The following TSPAN18 variants were observed in gnomAD, a reference collection of about 807,000 sequenced individuals.
The protein encoded by TSPAN18 is tetraspanin 18, also known as tetraspanin-18.
Under a neutral mutation model 27.3 loss-of-function variants are expected in TSPAN18, and 14 were observed. The observed-to-expected ratio is 0.51, with a 90% CI of 0.34 to 0.80. The LOEUF (loss-of-function observed/expected upper bound fraction) is 0.80, where lower values mean the gene tolerates loss of function less well. Among genes scored for constraint, TSPAN18 ranks in the 30% least tolerant of loss-of-function variants. The pLI is 0.01. For missense variants in TSPAN18, 268 were observed against 323.9 expected, an observed-to-expected ratio of 0.83 and a Z score of 1.32; for synonymous variants, 143 against 136.5, an observed-to-expected ratio of 1.05 and a Z score of -0.33.
At chr11:44,922,148 G>A (rs546073228) in intron 8 of TSPAN18, among the ~76,000 whole-genome samples, 2 of 137,176 alleles carry the variant, frequency 1.5e-5, no homozygotes, top group Non-Finnish European at 3.0e-5. Context: ...ACTGAGTCTC[G>A]CTCTGTCGCT....
intron 3 of TSPAN18, among the ~76,000 whole-genome samples, chr11:44,866,888 A>C (rs1858052542): frequency 6.6e-6 from 1 of 151,796 alleles, no homozygotes; most frequent in Non-Finnish European, 1.5e-5. Flanking sequence ...CGGAAAGAAG[A>C]GAGAAGAATG....
intron 2 of TSPAN18, among the ~76,000 whole-genome samples, chr11:44,853,906 G>A (rs1857665296): frequency 6.6e-6 from 1 of 152,148 alleles, no homozygotes; most frequent in Admixed American, 6.5e-5. Flanking sequence ...AGAGGGCAGG[G>A]GAGGGAGGAA....
At chr11:44,769,089 G>A (rs1052250393) in intron 2 of TSPAN18, among the ~76,000 whole-genome samples, 1 of 151,930 alleles carries the variant, frequency 6.6e-6, no homozygotes, top group Non-Finnish European at 1.5e-5. Flanking sequence ...TAGAGATGAG[G>A]TTTCATCATT....
chr11:44,836,077 C>T (rs1055167613), intron 2 of TSPAN18, among the ~76,000 whole-genome samples: 1 of 152,168 alleles, frequency 6.6e-6, no homozygotes, highest in Non-Finnish European at 1.5e-5. Flanking sequence ...CTACAAGGGC[C>T]TCTAAGTGCT....
At chr11:44,786,431 C>A (rs774512390) in intron 2 of TSPAN18, among the ~76,000 whole-genome samples, 20 of 152,002 alleles carry the variant, frequency 1.3e-4, no homozygotes, top group Non-Finnish European at 1.9e-4. Context: ...TGAAAGCTGG[C>A]GTTGGGTAGG....
chr11:44,793,362 G>C (rs1394913566), intron 2 of TSPAN18, among the ~76,000 whole-genome samples: 1 of 152,124 alleles, frequency 6.6e-6, no homozygotes, highest in South Asian at 2.1e-4. Context: ...AGAATCCTAG[G>C]TGCAGGAGTT....
chr11:44,752,102 A>C (rs1343456072), intron 1 of TSPAN18, among the ~76,000 whole-genome samples: 2 of 152,174 alleles, frequency 1.3e-5, no homozygotes, highest in African/African-American at 4.8e-5. Context: ...ACACCAACCC[A>C]AAATGGAGTC....
chr11:44,788,965 C>T (rs774352025), intron 2 of TSPAN18, among the ~76,000 whole-genome samples: 34 of 152,158 alleles, frequency 2.2e-4, no homozygotes, highest in Admixed American at 6.5e-4. Context: ...AACACATCTA[C>T]GTGGGGTGCC....
intron 3 of TSPAN18, among the ~76,000 whole-genome samples, chr11:44,886,989 T>C (rs145954649): frequency 5.6e-4 from 86 of 152,370 alleles, no homozygotes; most frequent in African/African-American, 2.0e-3. Context: ...AGCTGACTCA[T>C]CTTCATTATG....
At position 44,930,969 on chromosome 11, in the gene TSPAN18, C is replaced by T; in HGVS notation, c.*1791C>T. The T allele has an allele frequency of 2.0e-6, 1 of 491,310 alleles. No homozygotes were observed. The highest frequency in any genetic ancestry group is 4.2e-6 in the Non-Finnish European group (1 of 239,084). 30.4% of individuals were successfully genotyped at this position (491,310 alleles called of 1,614,324 possible). On this transcript the variant is annotated 3_prime_UTR_variant, in exon 10 of 10. Coordinates refer to ENST00000520358, the MANE Select transcript of TSPAN18 (RefSeq NM_130783.5). ...GGACACTCGGAGCCACAGCCTAGAG[C>T]CCCGTGTTCCCTGGCCTGTGCGTCT...
rs568997069 is a variant in TSPAN18, at chr11:44,792,011, C to T, written c.-153+27499C>T. On this transcript the variant is annotated intron_variant, in intron 2 of 9. Transcript: ENST00000520358. ...GGGGTGCAGCAGTGGACAGAAGCCC[C>T]TCCTTTGGAGAGCTGACACTCTAGT... Among the ~76,000 whole-genome samples the T allele has an allele frequency of 2.0e-5, 3 of 152,246 alleles. No individual in the cohort carries two copies. The South Asian group carries it at 6.2e-4, about 32-fold the overall frequency.
At chr11:44,773,138 C>T (rs773817768) in intron 2 of TSPAN18, among the ~76,000 whole-genome samples, 1 of 152,086 alleles carries the variant, frequency 6.6e-6, no homozygotes. Context: ...ACTCACTGGC[C>T]AGGCGCGGTG....
intron 8 of TSPAN18, among the ~76,000 whole-genome samples, chr11:44,925,317 C>G (rs913713784): frequency 6.6e-6 from 1 of 152,198 alleles, no homozygotes; most frequent in Admixed American, 6.5e-5. Flanking sequence ...ACCACTTCCC[C>G]GATTATTCCC....
chr11:44,820,280 A>G (rs536215034), intron 2 of TSPAN18, among the ~76,000 whole-genome samples: 39 of 152,304 alleles, frequency 2.6e-4, no homozygotes, highest in African/African-American at 8.7e-4. Flanking sequence ...CTCCCTATGC[A>G]AACCTGAATG....
intron 3 of TSPAN18, among the ~76,000 whole-genome samples, chr11:44,869,537 C>T (rs945081165): frequency 5.9e-5 from 9 of 152,150 alleles, no homozygotes; most frequent in African/African-American, 2.2e-4. Flanking sequence ...TGTACATGTC[C>T]CACGTCCAAT....
intron 2 of TSPAN18, among the ~76,000 whole-genome samples, chr11:44,852,665 C>G (rs984728776): frequency 2.6e-5 from 4 of 152,170 alleles, no homozygotes; most frequent in Non-Finnish European, 4.4e-5. Context: ...ATTGTCCTGT[C>G]CCTGATTCTT....
At chr11:44,768,522 C>T (rs58360870) in intron 2 of TSPAN18, among the ~76,000 whole-genome samples, 1 of 151,954 alleles carries the variant, frequency 6.6e-6, no homozygotes, top group Non-Finnish European at 1.5e-5. Context: ...AGGTTTTCTA[C>T]ATAAATGATC....
chr11:44,915,755 G>T (rs570754463), intron 5 of TSPAN18, among the ~76,000 whole-genome samples: 27 of 152,352 alleles, frequency 1.8e-4, no homozygotes, highest in African/African-American at 5.8e-4. Flanking sequence ...TTTCTGCAAA[G>T]CTCCAAAGAG....
chr11:44,904,556 G>C (rs10742730), intron 3 of TSPAN18, among the ~76,000 whole-genome samples: 144,180 of 152,280 alleles, frequency 0.95, 68,718 homozygotes, highest in Non-Finnish European at 1. Flanking sequence ...TTCCTGTGTC[G>C]ACTCCCCACC....
Sources: allele counts gnomAD v4.1 joint callset (sites outside exome capture counted in the v4.1 genomes callset), GRCh38; gene constraint gnomAD v4.1.1; transcripts MANE v1.5; gene names NCBI Gene and HGNC (gene_info 2026-07-23, HGNC 2026-07-21).